Variants in AMZ1 observed in about 807,000 individuals in gnomAD.
AMZ1 encodes archaemetzincin-1.
AMZ1 carries 39 observed loss-of-function variants against 29.9 expected under a neutral mutation model. That is an observed-to-expected ratio of 1.30 (90% CI 1.01 to 1.70). AMZ1 has a LOEUF of 1.70. Among genes scored for constraint, AMZ1 ranks in the 40% most tolerant of loss-of-function variants. The pLI is 0.00. For synonymous variants in AMZ1, 458 were observed against 304.0 expected (o/e 1.51, Z -5.27); for missense variants, 1,041 against 680.6 (o/e 1.53, Z -5.89).
chr7:2,709,418 C>T (rs981213991), intron 5 of AMZ1, among the ~76,000 whole-genome samples, 174 bp downstream of exon 5: 6 of 148,966 alleles, frequency 4.0e-5, no homozygotes, highest in Non-Finnish European at 7.5e-5. Flanking sequence ...GGGATTAGAG[C>T]CCCAAGCCCC....
At chr7:2,742,004 T>C (rs1351315347) in intron 4 of AMZ1, among the ~76,000 whole-genome samples, 1 of 152,008 alleles carries the variant, frequency 6.6e-6, no homozygotes, top group Non-Finnish European at 1.5e-5. Flanking sequence ...TCATTTAATC[T>C]GAAACACTTG....
At chr7:2,738,605 T>C (rs1790334117) in intron 4 of AMZ1, among the ~76,000 whole-genome samples, 1 of 151,792 alleles carries the variant, frequency 6.6e-6, no homozygotes. Flanking sequence ...CAGCAGCAGA[T>C]AAAAATGACT....
In AMZ1 at chr7:2,712,589, C is replaced by T; in HGVS notation, c.1208C>T (p.Ala403Val). 1.2e-6 allele frequency: 2 copies of T among 1,612,396 alleles called. No homozygotes were observed. The highest frequency in any genetic ancestry group is 1.7e-6 in the Non-Finnish European group (2 of 1,179,636). The change falls in exon 7 of 7, where the codon GCC becomes GTC. Residue 403 changes from alanine (A) to valine (V), a missense_variant. Physicochemically the swap from Ala to Val is moderately conservative, Grantham distance 64. Coordinates refer to ENST00000683327, the MANE Select transcript of AMZ1 (RefSeq NM_001384743.1). Reference sequence around the variant, plus strand: ...CTGCCACCTGGGGGCCCTGCGGAGGCCATCAAGGAGCATGAACGGTGGCTG... The same window carrying T: ...CTGCCACCTGGGGGCCCTGCGGAGGTCATCAAGGAGCATGAACGGTGGCTG... ...APLPPGGPAE[A>V]IKEHERWLAM...
intron 4 of AMZ1, among the ~76,000 whole-genome samples, chr7:2,751,921 A>G (rs1373320415): frequency 1.3e-5 from 2 of 152,230 alleles, no homozygotes; most frequent in African/African-American, 4.8e-5. Context: ...ACTATCAAAC[A>G]CGTAAAGAAG....
intron 4 of AMZ1, among the ~76,000 whole-genome samples, chr7:2,738,905 G>A (rs867941898): frequency 4.6e-5 from 7 of 152,230 alleles, no homozygotes; most frequent in Middle Eastern, 3.4e-3. Flanking sequence ...GCCACGCTTT[G>A]GCCCCCTTGC....
intron 2 of AMZ1, among the ~76,000 whole-genome samples, chr7:2,701,642 A>G (rs1788060380): frequency 6.6e-6 from 1 of 152,200 alleles, no homozygotes; most frequent in African/African-American, 2.4e-5. Flanking sequence ...GAGACAGCAC[A>G]CGGGACGGGG....
chr7:2,747,273 A>G lies in AMZ1; in HGVS notation n.551-17439A>G, dbSNP rs577332574. Among the ~76,000 whole-genome samples, 18 of 152,368 alleles carry G rather than the reference A, an allele frequency of 1.2e-4. No individual in the cohort carries two copies. The South Asian group carries it at 3.7e-3, about 32-fold the overall frequency. On this transcript the variant is annotated intron_variant and non_coding_transcript_variant, in intron 4 of 4. Coordinates refer to the AMZ1 transcript ENST00000489665. ...GAACATTGATGCAAAAATCCTCAAT[A>G]AAATACTGGAAAAGCAAACCCAGCA...
rs535681947 is a variant in AMZ1, at chr7:2,731,576, T to A, written n.550+21760T>A. On this transcript the variant is annotated intron_variant and non_coding_transcript_variant, in intron 4 of 4. Transcript: ENST00000489665. This position sits in a 1 kb window ranked among gnomAD's most constrained non-coding sequence, Gnocchi z 6.0. ...TGGTCGTACTCGCTGGAGGAGACCA[T>A]GAACAGGATGGACGTGATCCCGTCG... 1 of 1,613,018 alleles carries A rather than the reference T, an allele frequency of 6.2e-7. No individual in the cohort carries two copies. Among genetic ancestry groups the A allele is most frequent in the African/African-American group, 1.3e-5 (1 of 75,008 alleles).
At chr7:2,710,001 G>T (rs553218944) in intron 6 of AMZ1, among the ~76,000 whole-genome samples, 185 bp downstream of exon 6, 1 of 152,362 alleles carries the variant, frequency 6.6e-6, no homozygotes, top group South Asian at 2.1e-4. Context: ...ACTGGCAGTA[G>T]ATCGAGTCCT....
In AMZ1 at chr7:2,717,053, G is replaced by A. The variant is rs577717578; in HGVS notation, c.*4175G>A. ...GCGGGAGGCCTGCACCCTGATCCCTGAGCAGCCCCCACACACCGGCACCCA... is the reference window on the plus strand; with the variant it reads ...GCGGGAGGCCTGCACCCTGATCCCTAAGCAGCCCCCACACACCGGCACCCA... On this transcript the variant is annotated 3_prime_UTR_variant, in exon 7 of 7. Transcript: ENST00000683327. Among the ~76,000 whole-genome samples, 67 of 152,274 alleles carry A rather than the reference G, an allele frequency of 4.4e-4. No individual in the cohort carries two copies. The highest frequency in any genetic ancestry group is 1.6e-3 in the African/African-American group (65 of 41,566).
downstream of AMZ1, among the ~76,000 whole-genome samples, chr7:2,721,914 TTATCA>T (rs906044379): frequency 1.3e-5 from 2 of 152,214 alleles, no homozygotes; most frequent in African/African-American, 4.8e-5. Flanking sequence ...TTTTTACACT[TTATCA>T]TATCTTAACC....
At chr7:2,681,726 A>T (rs1431155155) in intron 1 of AMZ1, among the ~76,000 whole-genome samples, 1 of 152,140 alleles carries the variant, frequency 6.6e-6, no homozygotes, top group Non-Finnish European at 1.5e-5. Context: ...CTGCTGGAGA[A>T]ACTACATGTG....
intron 6 of AMZ1, 54 bp from the exon 7 acceptor site, chr7:2,712,276 T>TGGCTA (rs1219783069): frequency 1.3e-6 from 2 of 1,492,630 alleles, no homozygotes; most frequent in African/African-American, 2.8e-5. Flanking sequence ...GGCAGTTCCC[T>TGGCTA]GGCTAGACAA....
intron 2 of AMZ1, chr7:2,702,323 C>G (rs1017982685): frequency 3.3e-5 from 6 of 183,964 alleles, no homozygotes; most frequent in Non-Finnish European, 5.6e-5. Context: ...GCCATGCAGC[C>G]TGGCTCTGTG....
At position 2,717,690 on chromosome 7, in the gene AMZ1, A is replaced by G. The variant is rs1789210051; in HGVS notation, c.*4812A>G. On this transcript the variant is annotated 3_prime_UTR_variant, in exon 7 of 7. Coordinates refer to ENST00000683327, the MANE Select transcript of AMZ1 (RefSeq NM_001384743.1). ...AGAGCCCTGGCCTGCGAACGCTGTT[A>G]AAAACAGATGCAGATCGCGGGTGGA... Among the ~76,000 whole-genome samples, 1 of 152,140 alleles carries G rather than the reference A, an allele frequency of 6.6e-6. No individual in the cohort carries two copies. The highest frequency in any genetic ancestry group is 2.4e-5 in the African/African-American group (1 of 41,390).
intron 1 of AMZ1, among the ~76,000 whole-genome samples, chr7:2,697,531 C>T (rs962279478): frequency 1.3e-5 from 2 of 151,930 alleles, no homozygotes; most frequent in East Asian, 1.9e-4. Context: ...TCAGGTGATC[C>T]TTCCACGTCA....
At chr7:2,703,022 T>C (rs1788151163) in intron 3 of AMZ1, 133 bp downstream of exon 3, 6 of 1,301,796 alleles carry the variant, frequency 4.6e-6, no homozygotes, top group Admixed American at 5.8e-5. Context: ...TTCCCAGGTG[T>C]TTGGGAAGCA....
At chr7:2,711,681 T>C (rs981799498) in intron 6 of AMZ1, among the ~76,000 whole-genome samples, 14 of 152,214 alleles carry the variant, frequency 9.2e-5, no homozygotes, top group African/African-American at 3.4e-4. Context: ...TCTGCCTCCC[T>C]GTGCTGGGAT....
Position 2,726,869 on chromosome 7 carries a change from G to A in AMZ1, n.550+17053G>A, listed in dbSNP as rs551292933. On this transcript the variant is annotated intron_variant and non_coding_transcript_variant, in intron 4 of 4. Coordinates refer to the AMZ1 transcript ENST00000489665. Reference sequence around the variant, plus strand: ...GGTCTCTTCGCTTTCTGGCTGGAACGATAACCCCAGGGGTTGTGAGGACAG... The same window carrying A: ...GGTCTCTTCGCTTTCTGGCTGGAACAATAACCCCAGGGGTTGTGAGGACAG... 9.9e-5 allele frequency among the ~76,000 whole-genome samples: 15 copies of A among 152,272 alleles called. No homozygotes were observed. The East Asian group carries it at 1.4e-3, about 14-fold the overall frequency.
Sources: allele counts gnomAD v4.1 joint callset (sites outside exome capture counted in the v4.1 genomes callset), GRCh38; gene constraint gnomAD v4.1.1; non-coding constraint Gnocchi (gnomAD v3.1); transcripts MANE v1.5; gene names NCBI Gene and HGNC (gene_info 2026-07-23, HGNC 2026-07-21).